MAD1L1: variants seen among roughly 807,000 people sequenced by gnomAD.
The protein encoded by MAD1L1 is mitotic arrest deficient 1 like 1.
MAD1L1 carries 95 observed loss-of-function variants against 96.9 expected under a neutral mutation model. The observed-to-expected ratio is 0.98, with a 90% CI of 0.83 to 1.16. The LOEUF (loss-of-function observed/expected upper bound fraction) is 1.16. Among genes scored for constraint, MAD1L1 ranks in the 50% most tolerant of loss-of-function variants. The pLI, the probability that MAD1L1 is intolerant of heterozygous loss-of-function variation, is 0.00. For synonymous variants in MAD1L1, 473 were observed against 396.6 expected, an observed-to-expected ratio of 1.19 and a Z score of -2.29; for missense variants, 1,007 against 954.4, an observed-to-expected ratio of 1.06 and a Z score of -0.73.
chr7:2,188,060 A>G (rs1299783584), intron 10 of MAD1L1, among the ~76,000 whole-genome samples: 20 of 152,250 alleles, frequency 1.3e-4, no homozygotes, highest in Admixed American at 1.3e-3. Context: ...AAGGCATAAT[A>G]AAAGACCTAC....
At chr7:2,147,566 C>T (rs147837358) in intron 11 of MAD1L1, among the ~76,000 whole-genome samples, 10 of 152,210 alleles carry the variant, frequency 6.6e-5, no homozygotes, top group African/African-American at 2.4e-4. Context: ...ACCCCCAAGA[C>T]CCCATTTCAC....
chr7:2,015,673 T>C (rs1169428328), intron 12 of MAD1L1, among the ~76,000 whole-genome samples: 3 of 152,186 alleles, frequency 2.0e-5, no homozygotes, highest in East Asian at 1.9e-4. Flanking sequence ...ATGGAGCAGA[T>C]TCCAGGCGCA....
At chr7:2,062,417 A>C (rs1005525234) in intron 12 of MAD1L1, among the ~76,000 whole-genome samples, 1 of 151,980 alleles carries the variant, frequency 6.6e-6, no homozygotes, top group Non-Finnish European at 1.5e-5. Flanking sequence ...TTTACTAAAA[A>C]TACAAAAATT....
At chr7:1,823,770 A>G (rs565261618) in intron 18 of MAD1L1, among the ~76,000 whole-genome samples, 1 of 152,018 alleles carries the variant, frequency 6.6e-6, no homozygotes, top group Non-Finnish European at 1.5e-5. Context: ...TGGGAGAAGC[A>G]CCCCCTTGTT....
intron 11 of MAD1L1, among the ~76,000 whole-genome samples, chr7:2,118,419 G>A (rs987873817): frequency 5.3e-5 from 8 of 152,252 alleles, no homozygotes; most frequent in African/African-American, 1.9e-4. Flanking sequence ...GAAGCAGGAG[G>A]TCAGCCCTGA....
At chr7:1,905,427 G>A (rs1184224046) in intron 17 of MAD1L1, among the ~76,000 whole-genome samples, 2 of 143,636 alleles carry the variant, frequency 1.4e-5, no homozygotes, top group Non-Finnish European at 1.5e-5. Flanking sequence ...ACTCATGATT[G>A]ATGAAGCACT....
At chr7:2,166,435 G>C (rs1790430867) in intron 10 of MAD1L1, among the ~76,000 whole-genome samples, 1 of 152,152 alleles carries the variant, frequency 6.6e-6, no homozygotes, top group African/African-American at 2.4e-5. Flanking sequence ...AGGGATGCCA[G>C]AACATTCCTG....
At chr7:1,915,550 C>T (rs1346069272) in intron 17 of MAD1L1, among the ~76,000 whole-genome samples, 6 of 152,194 alleles carry the variant, frequency 3.9e-5, no homozygotes, top group Non-Finnish European at 7.4e-5. Flanking sequence ...GGAGGACGCA[C>T]GCTGCCTGCC....
chr7:1,898,771 C>T (rs921431246), intron 17 of MAD1L1, among the ~76,000 whole-genome samples: 4 of 152,158 alleles, frequency 2.6e-5, no homozygotes, highest in African/African-American at 7.2e-5. Flanking sequence ...CAGGGTCAGG[C>T]GTGACTCGGG....
At chr7:2,225,377 G>T in intron 4 of MAD1L1, 33 bp downstream of exon 4, 1 of 1,611,234 alleles carries the variant, frequency 6.2e-7, no homozygotes. Flanking sequence ...TCCTGGGGCT[G>T]TCTGGGCCGA....
At chr7:2,152,080 C>T (rs1414100633) in intron 10 of MAD1L1, among the ~76,000 whole-genome samples, 1 of 152,216 alleles carries the variant, frequency 6.6e-6, no homozygotes, top group Non-Finnish European at 1.5e-5. Context: ...AGTTGTCCTG[C>T]CCCAGGCAGG....
intron 18 of MAD1L1, among the ~76,000 whole-genome samples, chr7:1,836,918 T>G (rs575547942): frequency 1.3e-5 from 2 of 152,306 alleles, no homozygotes; most frequent in African/African-American, 4.8e-5. Flanking sequence ...TAAAGATTTC[T>G]TAGATACGAC....
chr7:2,033,151 C>T (rs189245787), intron 12 of MAD1L1, among the ~76,000 whole-genome samples: 149 of 152,378 alleles, frequency 9.8e-4, no homozygotes, highest in African/African-American at 3.1e-3. Context: ...CCAGGCACCA[C>T]GTGCCAGGCC....
chr7:2,144,263 A>G (rs1789183901), intron 11 of MAD1L1, among the ~76,000 whole-genome samples: 1 of 152,226 alleles, frequency 6.6e-6, no homozygotes, highest in South Asian at 2.1e-4. Context: ...CATGAAGCAC[A>G]GCGCAGCGCA....
intron 10 of MAD1L1, among the ~76,000 whole-genome samples, chr7:2,196,677 T>C (rs1310452700): frequency 2.0e-5 from 3 of 152,096 alleles, no homozygotes; most frequent in African/African-American, 4.8e-5. Flanking sequence ...GACACTGTGG[T>C]CACAAAGGAA....
intron 11 of MAD1L1, among the ~76,000 whole-genome samples, chr7:2,096,714 C>T (rs1396924902): frequency 6.6e-6 from 1 of 152,172 alleles, no homozygotes; most frequent in Non-Finnish European, 1.5e-5. Context: ...CTCAGGCAAA[C>T]TCGTCAACTC....
chr7:1,941,256 C>T lies in MAD1L1; in HGVS notation c.1597-4359G>A, dbSNP rs76862026. 8.9e-4 allele frequency among the ~76,000 whole-genome samples: 136 copies of T among 152,302 alleles called. 3 individuals are homozygous for T. The East Asian group carries it at 0.015, about 17-fold the overall frequency. On this transcript the variant is annotated intron_variant, in intron 16 of 18. Coordinates refer to ENST00000265854, the MANE Select transcript of MAD1L1 (RefSeq NM_001013836.2). ...TGTCCTGGCAACGTTCAACGTTCCA[C>T]GGGCAGGAACGAGAGCCAGAGGCAC...
chr7:1,933,525 C>T (rs1029060892), intron 17 of MAD1L1, among the ~76,000 whole-genome samples: 15 of 152,210 alleles, frequency 9.9e-5, no homozygotes, highest in East Asian at 3.8e-4. Context: ...TCCAGAGCAG[C>T]GGTCCACAAA....
At chr7:2,028,731 G>C (rs1038969467) in intron 12 of MAD1L1, among the ~76,000 whole-genome samples, 1 of 152,086 alleles carries the variant, frequency 6.6e-6, no homozygotes, top group African/African-American at 2.4e-5. Flanking sequence ...ACACACCAAC[G>C]AAACAATACA....
Sources: gnomAD v4.1 joint callset for allele counts (sites outside exome capture counted in the v4.1 genomes callset) on GRCh38, gnomAD v4.1.1 for gene constraint, MANE v1.5 for transcripts, NCBI Gene and HGNC (gene_info 2026-07-23, HGNC 2026-07-21) for gene names.